The following TMEM260 variants were observed in gnomAD, a reference collection of about 807,000 sequenced individuals.
TMEM260 encodes transmembrane protein 260.
In TMEM260, 82 loss-of-function variants were observed where a neutral mutation model predicts 88.9. That is an observed-to-expected ratio of 0.92 (90% CI 0.77 to 1.11). TMEM260 has a LOEUF of 1.11. Ranked by LOEUF, TMEM260 falls within the 50% of genes least tolerant of loss-of-function variation. TMEM260 has a pLI of 0.00. For synonymous variants in TMEM260, 314 were observed against 309.3 expected (o/e 1.02, Z -0.16); for missense variants, 902 against 853.4 (o/e 1.06, Z -0.71).
intron 1 of TMEM260, among the ~76,000 whole-genome samples, chr14:56,584,550 A>G (rs1885363853): frequency 6.6e-6 from 1 of 152,146 alleles, no homozygotes; most frequent in African/African-American, 2.4e-5. Flanking sequence ...AAGATACCCA[A>G]ATGCCAGTTT....
Position 56,605,600 on chromosome 14 carries a change from C to T in TMEM260, c.553C>T (p.Leu185Phe), listed in dbSNP as rs141128740. 3.8e-6 allele frequency: 6 copies of T among 1,564,170 alleles called. No individual in the cohort carries two copies. Among genetic ancestry groups the T allele is most frequent in the East Asian group, 2.3e-5 (1 of 43,264 alleles). Residue 185 changes from leucine to phenylalanine, a missense_variant, in exon 5 of 16, where the codon CTT becomes TTT. Physicochemically the swap from Leu to Phe is conservative, Grantham distance 22. Transcript: ENST00000261556. ...TAAAATTGGTGCTTTCTGCTGTGGC[C>T]TTAGTTTATGTAACCAGCACACAAT... Reference protein sequence around the residue: ...VAKIGAFCCGLSLCNQHTIIL... With the variant: ...VAKIGAFCCGFSLCNQHTIIL...
chr14:56,616,597 C>G (rs971165536), intron 8 of TMEM260, among the ~76,000 whole-genome samples: 1 of 151,904 alleles, frequency 6.6e-6, no homozygotes, highest in African/African-American at 2.4e-5. Flanking sequence ...ATTAATTTAA[C>G]TGTTCTTCTA....
At chr14:56,646,197 G>T (rs748363897) in intron 15 of TMEM260, among the ~76,000 whole-genome samples, 3 of 152,204 alleles carry the variant, frequency 2.0e-5, no homozygotes, top group Non-Finnish European at 4.4e-5. Context: ...TATCAAACAT[G>T]AATTGTGGAA....
At chr14:56,650,815 T>A (rs550490839), downstream of TMEM260, among the ~76,000 whole-genome samples, 1 of 152,198 alleles carries the variant, frequency 6.6e-6, no homozygotes, top group East Asian at 1.9e-4. Context: ...TTCTCATCAA[T>A]ATCCCTCAGA....
chr14:56,631,637 A>G (rs934372823), intron 12 of TMEM260, among the ~76,000 whole-genome samples: 2 of 151,558 alleles, frequency 1.3e-5, no homozygotes, highest in Non-Finnish European at 2.9e-5. Flanking sequence ...AAAAAAAAAA[A>G]AGAGACTGTG....
chr14:56,593,336 G>C (rs967386950), intron 3 of TMEM260: 3 of 152,186 alleles, frequency 2.0e-5, no homozygotes, highest in Admixed American at 2.0e-4. Flanking sequence ...TTAAACACTT[G>C]ACTGCCCTTC....
intron 15 of TMEM260, among the ~76,000 whole-genome samples, chr14:56,642,352 A>T (rs1453544784): frequency 7.9e-5 from 12 of 152,076 alleles, no homozygotes; most frequent in East Asian, 1.9e-4. Flanking sequence ...GGATTAAGAA[A>T]CTCACTCAAA....
chr14:56,583,557 C>A (rs1369507805), intron 1 of TMEM260, among the ~76,000 whole-genome samples: 1 of 151,908 alleles, frequency 6.6e-6, no homozygotes. Context: ...TGTTTTTAAA[C>A]TTAGTGGGAG....
At chr14:56,647,186 G>GA (rs34295946) in intron 15 of TMEM260, 57 bp from the exon 16 acceptor site, 45,953 of 984,674 alleles carry the variant, frequency 0.047, 1 homozygote, top group South Asian at 0.061. Context: ...TTTTGTTTTT[G>GA]AAAAAAAAAA....
chr14:56,643,068 G>A (rs980681326), intron 15 of TMEM260, among the ~76,000 whole-genome samples: 18 of 152,234 alleles, frequency 1.2e-4, no homozygotes, highest in Admixed American at 2.6e-4. Context: ...ATTCATAGCC[G>A]AATTCTACCA....
chr14:56,627,047 A>C (rs919523673), intron 12 of TMEM260, among the ~76,000 whole-genome samples: 4 of 151,950 alleles, frequency 2.6e-5, no homozygotes, highest in Non-Finnish European at 5.9e-5. Context: ...TTGTTGGCTA[A>C]TATTCTCATA....
chr14:56,644,863 A>C (rs1174353412), intron 15 of TMEM260, among the ~76,000 whole-genome samples: 1 of 152,234 alleles, frequency 6.6e-6, no homozygotes, highest in Non-Finnish European at 1.5e-5. Context: ...CTCAAAAGAC[A>C]TTTATGCAGC....
intron 1 of TMEM260, among the ~76,000 whole-genome samples, chr14:56,580,324 A>G (rs1885038998): frequency 6.6e-6 from 1 of 151,098 alleles, no homozygotes; most frequent in Admixed American, 6.6e-5. Context: ...GGGCTTATCG[A>G]CCTCTCCACT....
At position 56,648,709 on chromosome 14, in the gene TMEM260, C is replaced by T. The variant is rs1224222411; in HGVS notation, c.*1212C>T. Reference sequence around the variant, plus strand: ...GCTTGCATGGTTCCCTTTCATACTACGACCATAATTAAAACCACTAATTCT... The same window carrying T: ...GCTTGCATGGTTCCCTTTCATACTATGACCATAATTAAAACCACTAATTCT... On this transcript the variant is annotated 3_prime_UTR_variant, in exon 16 of 16. Coordinates refer to ENST00000261556, the MANE Select transcript of TMEM260 (RefSeq NM_017799.4). 2 of 152,642 alleles carry T rather than the reference C, an allele frequency of 1.3e-5. No homozygotes were observed. The highest frequency in any genetic ancestry group is 2.9e-5 in the Non-Finnish European group (2 of 68,072). The allele number at this position is 152,642 out of a possible 1,614,324, so 9.5% of individuals were successfully genotyped here. A position where few individuals can be genotyped will look rare whatever the true frequency, so the allele number is the denominator to read the frequency against.
downstream of TMEM260, among the ~76,000 whole-genome samples, chr14:56,651,795 A>G (rs144437141): frequency 7.4e-3 from 1,124 of 152,350 alleles, 5 homozygotes; most frequent in Non-Finnish European, 0.011. Flanking sequence ...ACTTTAGCGT[A>G]TAAGAAGTAT....
chr14:56,583,482 C>T (rs1213128916), intron 1 of TMEM260, among the ~76,000 whole-genome samples: 3 of 152,002 alleles, frequency 2.0e-5, no homozygotes, highest in Admixed American at 6.6e-5. Flanking sequence ...TGAATTGATG[C>T]TTTGTGTGTG....
chr14:56,579,696 T>G (rs1594798131), upstream of TMEM260: 2 of 397,860 alleles, frequency 5.0e-6, no homozygotes, highest in Non-Finnish European at 4.4e-6. Context: ...CAATGCGTGG[T>G]GCACTGCGGG....
Position 56,634,953 on chromosome 14 carries a change from G to T in TMEM260, c.1778+1G>T. On this transcript the variant is annotated splice_donor_variant, in intron 14 of 15. Transcript: ENST00000261556. LOFTEE classifies it high-confidence loss of function. ...CCAATGAAGAAATGTGGCAAGCGAG[G>T]TGACTATTCTACATTTTTGTGTGTG... 6.2e-7 allele frequency: 1 copy of T among 1,613,962 alleles called. No individual in the cohort carries two copies. Among genetic ancestry groups the T allele is most frequent in the Non-Finnish European group, 8.5e-7 (1 of 1,179,846 alleles).
At chr14:56,611,421 C>G (rs1054134994) in intron 6 of TMEM260, among the ~76,000 whole-genome samples, 2 of 152,054 alleles carry the variant, frequency 1.3e-5, no homozygotes, top group African/African-American at 4.8e-5. Context: ...AGACATACAG[C>G]CAAAAAGCAT....
Sources: gnomAD v4.1 joint callset for allele counts (sites outside exome capture counted in the v4.1 genomes callset) on GRCh38, gnomAD v4.1.1 for gene constraint, MANE v1.5 for transcripts, NCBI Gene and HGNC (gene_info 2026-07-23, HGNC 2026-07-21) for gene names.